Variants in AHCY observed in about 807,000 individuals in gnomAD.
AHCY encodes the protein S-adenosyl-L-homocysteine hydrolase.
A neutral mutation model predicts 45.4 loss-of-function variants in AHCY; 24 were observed. The ratio of observed to expected loss-of-function variants is 0.53; its 90% CI spans 0.38 to 0.74. AHCY has a LOEUF of 0.74. AHCY is among the 30% of genes least tolerant of loss of function. AHCY has a pLI of 0.00. For missense variants in AHCY, 449 were observed against 594.1 expected (o/e 0.76, Z 2.54); for synonymous variants, 245 against 235.1 (o/e 1.04, Z -0.39).
downstream of AHCY, among the ~76,000 whole-genome samples, chr20:34,279,847 G>A (rs1031870006): frequency 2.6e-5 from 4 of 152,000 alleles, no homozygotes; most frequent in East Asian, 7.7e-4. Flanking sequence ...CAAACAGCCG[G>A]GCACAGTGGC....
the AHCY span, among the ~76,000 whole-genome samples, chr20:34,253,116 A>AT: frequency 4.2e-5 from 6 of 143,140 alleles, no homozygotes; most frequent in Admixed American, 7.0e-5. Flanking sequence ...TTTTTTTTTT[A>AT]TTTTTTTTTT....
At chr20:34,269,970 AAAAAAAAAACAAG>A in the AHCY span, among the ~76,000 whole-genome samples, 3 of 127,940 alleles carry the variant, frequency 2.3e-5, no homozygotes, top group South Asian at 4.7e-4. Flanking sequence ...AAAAAAAAAA[AAAAAAAAAACAAG>A]AAAAAAGAAA....
At chr20:34,245,333 C>CA in the AHCY span, among the ~76,000 whole-genome samples, 1,949 of 63,404 alleles carry the variant, frequency 0.031, 43 homozygotes, top group African/African-American at 0.075. Flanking sequence ...GACTCTGTCT[C>CA]AAAAAAAAAA....
chr20:34,258,806 T>A, the AHCY span, among the ~76,000 whole-genome samples: 5 of 118,816 alleles, frequency 4.2e-5, no homozygotes, highest in Admixed American at 1.1e-4. Context: ...ATATAATATA[T>A]GATATATATA....
intron 1 of AHCY, among the ~76,000 whole-genome samples, chr20:34,296,600 C>G (rs1279568897): frequency 6.6e-6 from 1 of 152,142 alleles, no homozygotes; most frequent in African/African-American, 2.4e-5. Flanking sequence ...CAATACTCTC[C>G]CCTACCACAC....
At chr20:34,253,408 ATC>A in the AHCY span, among the ~76,000 whole-genome samples, 1 of 150,804 alleles carries the variant, frequency 6.6e-6, no homozygotes, top group Admixed American at 6.6e-5. Flanking sequence ...GCCCAGCCTG[ATC>A]TCTCTTTCTT....
In AHCY at chr20:34,295,468, CG is replaced by C. The variant is rs772729103; in HGVS notation, c.145del (p.Arg49AlafsTer8). On this transcript the variant is annotated frameshift_variant, in exon 2 of 10. Coordinates refer to ENST00000217426, the MANE Select transcript of AHCY (RefSeq NM_000687.4). LOFTEE classifies it high-confidence loss of function. Reference protein sequence around the residue: ...YSASKPLKGARIAGCLHMTVE... With the variant: ...YSASKPLKGAXIAGCLHMTVE... The stretch of plus-strand genomic sequence containing the variant: ...GGTCATGTGCAGGCAGCCAGCGATG[CG>C]GGCGCCCTTCAGTGGCTTGGAGGCC... The C allele has an allele frequency of 1.9e-6, 3 of 1,614,002 alleles. No individual in the cohort carries two copies. The highest frequency in any genetic ancestry group is 3.3e-5 in the Admixed American group (2 of 60,004).
At chr20:34,303,198 G>C in intron 1 of AHCY, 45 bp downstream of exon 1, 1 of 1,550,598 alleles carries the variant, frequency 6.4e-7, no homozygotes, top group Non-Finnish European at 8.7e-7. Context: ...CAAGCCCCGG[G>C]CGGGTGCCGG....
intron 1 of AHCY, among the ~76,000 whole-genome samples, chr20:34,297,660 T>C (rs1330007133): frequency 6.6e-6 from 1 of 152,106 alleles, no homozygotes; most frequent in Admixed American, 6.6e-5. Context: ...TATGACATTT[T>C]CCTAGTAAAT....
chr20:34,257,272 G>T, the AHCY span, among the ~76,000 whole-genome samples: 1 of 151,838 alleles, frequency 6.6e-6, no homozygotes, highest in African/African-American at 2.4e-5. Flanking sequence ...TGTATTTTTA[G>T]TAGAAACGGG....
intron 8 of AHCY, among the ~76,000 whole-genome samples, chr20:34,288,999 TTTTTGTTTTTAG>T (rs1334893782): frequency 2.0e-5 from 3 of 152,100 alleles, no homozygotes; most frequent in Non-Finnish European, 4.4e-5. Flanking sequence ...CCCTTTTTGT[TTTTTGTTTTTAG>T]TTTTGTTTTT....
At chr20:34,270,942 G>C in the AHCY span, among the ~76,000 whole-genome samples, 1 of 151,906 alleles carries the variant, frequency 6.6e-6, no homozygotes, top group Admixed American at 6.6e-5. Flanking sequence ...ACAGACATGA[G>C]CCACTGGGCC....
chr20:34,311,550 C>G (rs1475384222), exon 1 of AHCY: 1 of 152,496 alleles, frequency 6.6e-6, no homozygotes, highest in Non-Finnish European at 1.5e-5. Flanking sequence ...GGGCGGAGGG[C>G]GCACAAGCCT....
chr20:34,266,298 C>T, the AHCY span, among the ~76,000 whole-genome samples: 7 of 150,240 alleles, frequency 4.7e-5, no homozygotes, highest in South Asian at 4.2e-4. Context: ...TACAGTGAGC[C>T]GAGACCGTGC....
the AHCY span, among the ~76,000 whole-genome samples, chr20:34,260,743 T>C: frequency 6.6e-6 from 1 of 152,212 alleles, no homozygotes; most frequent in Admixed American, 6.5e-5. Context: ...GCTTAGCATA[T>C]GGTAGAGGCT....
chr20:34,288,370 TGG>T (rs990062155), intron 8 of AHCY, among the ~76,000 whole-genome samples: 1 of 152,178 alleles, frequency 6.6e-6, no homozygotes, highest in African/African-American at 2.4e-5. Flanking sequence ...CTCACATAGG[TGG>T]GCTTTTCTCC....
chr20:34,266,425 C>T, the AHCY span, among the ~76,000 whole-genome samples: 8 of 151,924 alleles, frequency 5.3e-5, no homozygotes, highest in African/African-American at 1.9e-4. Context: ...GTAATCCCAG[C>T]ACTTCAGGAG....
chr20:34,279,196 C>T (rs1371723838), downstream of AHCY, among the ~76,000 whole-genome samples: 2 of 149,332 alleles, frequency 1.3e-5, no homozygotes, highest in African/African-American at 4.9e-5. Context: ...GGGTGGATCA[C>T]GAGGTCAGGA....
chr20:34,269,009 A>C, the AHCY span: 1 of 1,607,828 alleles, frequency 6.2e-7, no homozygotes, highest in Middle Eastern at 1.7e-4. Context: ...TTCGATGAAG[A>C]AAGTGGTGCG....
Sources: gnomAD v4.1 joint callset for allele counts (sites outside exome capture counted in the v4.1 genomes callset) on GRCh38, gnomAD v4.1.1 for gene constraint, MANE v1.5 for transcripts, NCBI Gene and HGNC (gene_info 2026-07-23, HGNC 2026-07-21) for gene names.